The following COL11A1 variants were observed in gnomAD, a reference collection of about 807,000 sequenced individuals.
The protein encoded by COL11A1 is collagen alpha-1(XI) chain.
Under a neutral mutation model 265.2 loss-of-function variants are expected in COL11A1, and 74 were observed. That is an observed-to-expected ratio of 0.28 (90% CI 0.23 to 0.34). COL11A1 has a LOEUF of 0.34. Ranked by LOEUF, COL11A1 falls within the 10% of genes least tolerant of loss-of-function variation. The pLI, the probability that COL11A1 is intolerant of heterozygous loss-of-function variation, is 1.00. For missense variants in COL11A1, 2,165 were observed against 2,263.6 expected (o/e 0.96, Z 0.88); for synonymous variants, 816 against 727.6 (o/e 1.12, Z -1.96).
chr1:103,017,278 A>C (rs1666643234), intron 11 of COL11A1, among the ~76,000 whole-genome samples: 1 of 152,216 alleles, frequency 6.6e-6, no homozygotes, highest in East Asian at 1.9e-4. Flanking sequence ...AATTATATGA[A>C]AAGTATAAGT....
intron 1 of COL11A1, among the ~76,000 whole-genome samples, chr1:103,103,847 G>T (rs1193071814): frequency 6.6e-6 from 1 of 151,926 alleles, no homozygotes; most frequent in Non-Finnish European, 1.5e-5. Context: ...TTAGTTTCAG[G>T]TGTTTTGACA....
chr1:102,933,197 T>A (rs1221590226), intron 46 of COL11A1, among the ~76,000 whole-genome samples: 2 of 144,398 alleles, frequency 1.4e-5, no homozygotes, highest in African/African-American at 5.2e-5. Flanking sequence ...GTTTTTCTGT[T>A]CTGTTTTTTC....
At chr1:102,930,999 C>A (rs979955658) in intron 46 of COL11A1, among the ~76,000 whole-genome samples, 3 of 149,338 alleles carry the variant, frequency 2.0e-5, no homozygotes, top group African/African-American at 7.3e-5. Flanking sequence ...CTTTATTAGT[C>A]TTGCTAGGGG....
At position 102,881,768 on chromosome 1, in the gene COL11A1, G is replaced by A; in HGVS notation, c.4972-3C>T. 1 of 1,611,952 alleles carries A rather than the reference G, an allele frequency of 6.2e-7. No homozygotes were observed. The highest frequency in any genetic ancestry group is 8.5e-7 in the Non-Finnish European group (1 of 1,178,780). On this transcript the variant is annotated splice_polypyrimidine_tract_variant and splice_region_variant and intron_variant, in intron 64 of 66. Coordinates refer to ENST00000370096, the MANE Select transcript of COL11A1 (RefSeq NM_001854.4). The stretch of plus-strand genomic sequence containing the variant: ...TTTGGCCATGATGAAATTCTTACCT[G>A]TTGCAAAGGAACAGAAAAGTTAGTG...
At chr1:103,049,852 C>T (rs1669645869) in intron 4 of COL11A1, among the ~76,000 whole-genome samples, 1 of 152,148 alleles carries the variant, frequency 6.6e-6, no homozygotes, top group Non-Finnish European at 1.5e-5. Flanking sequence ...TTCTCCTTCA[C>T]TTATGAAGCT....
At chr1:102,976,846 C>T (rs912901300) in intron 35 of COL11A1, among the ~76,000 whole-genome samples, 1 of 151,896 alleles carries the variant, frequency 6.6e-6, no homozygotes, top group Non-Finnish European at 1.5e-5. Flanking sequence ...TCTGTTGTTC[C>T]ATTTTTGTTT....
At chr1:103,099,663 A>C (rs1293050516) in intron 1 of COL11A1, among the ~76,000 whole-genome samples, 2 of 151,776 alleles carry the variant, frequency 1.3e-5, no homozygotes, top group Non-Finnish European at 2.9e-5. Context: ...ACTAGTAGAA[A>C]AGTAAAATGA....
At chr1:102,930,940 C>T (rs1308910116) in intron 46 of COL11A1, among the ~76,000 whole-genome samples, 2 of 150,108 alleles carry the variant, frequency 1.3e-5, no homozygotes. Context: ...GTGGTGATAT[C>T]CCCTTTATCA....
intron 7 of COL11A1, among the ~76,000 whole-genome samples, chr1:103,024,989 G>C (rs985524606): frequency 2.0e-5 from 3 of 152,042 alleles, no homozygotes; most frequent in Admixed American, 6.6e-5. Context: ...ATAATGGAAA[G>C]ATTAAGATAT....
intron 63 of COL11A1, 131 bp from the exon 64 acceptor site, chr1:102,883,442 T>C: frequency 1.5e-6 from 1 of 680,006 alleles, no homozygotes; most frequent in Non-Finnish European, 2.6e-6. Context: ...TTTTAAGCTT[T>C]TGGGCATATT....
chr1:102,967,025 C>A (rs1280046154), intron 37 of COL11A1, among the ~76,000 whole-genome samples: 2 of 151,948 alleles, frequency 1.3e-5, no homozygotes, highest in Non-Finnish European at 2.9e-5. Context: ...CTTCAGTGCC[C>A]ATGCTTAATC....
chr1:103,006,231 C>T, intron 16 of COL11A1, 31 bp downstream of exon 16: 1 of 1,539,186 alleles, frequency 6.5e-7, no homozygotes, highest in Non-Finnish European at 8.9e-7. Flanking sequence ...TGGCAGATGC[C>T]TTCAAAATGC....
Position 102,934,531 on chromosome 1 carries a change from C to G in COL11A1, c.3518G>C (p.Arg1173Thr). Residue 1173 changes from arginine (R) to threonine (T), a missense_variant, in exon 46 of 67, where the codon AGA (arginine) becomes ACA (threonine). Transcript: ENST00000370096. ...TTGCCCAAACATCCCCTGCTGTCCT[C>G]TAGGACCTGGTTCACCATCACCTCC... The part of the protein sequence containing the change: ...IAGGDGEPGP[R>T]GQQGMFGQKG... 1 of 1,614,062 alleles carries G rather than the reference C, an allele frequency of 6.2e-7. No individual in the cohort carries two copies.
At chr1:102,923,822 G>T (rs1656264162) in intron 46 of COL11A1, among the ~76,000 whole-genome samples, 1 of 151,810 alleles carries the variant, frequency 6.6e-6, no homozygotes, top group African/African-American at 2.4e-5. Flanking sequence ...CATTTCAAAG[G>T]TTATAAATAT....
At chr1:102,905,076 A>G (rs1258998614) in intron 54 of COL11A1, among the ~76,000 whole-genome samples, 1 of 151,710 alleles carries the variant, frequency 6.6e-6, no homozygotes, top group Non-Finnish European at 1.5e-5. Flanking sequence ...CTTTGTAGGG[A>G]CATGGATGAA....
intron 37 of COL11A1, among the ~76,000 whole-genome samples, chr1:102,967,366 G>A (rs537867092): frequency 6.2e-5 from 9 of 145,106 alleles, no homozygotes; most frequent in Admixed American, 3.6e-4. Context: ...TCAGCCTCCA[G>A]AGTAGCTGGG....
chr1:102,920,549 T>A lies in COL11A1; in HGVS notation c.3709-185A>T, dbSNP rs139859376. Reference sequence around the variant, plus strand: ...GTGTTGGAAAGCAAATAATTCAATATATTACACTGATTTTCAAATTCACTA... The same window carrying A: ...GTGTTGGAAAGCAAATAATTCAATAAATTACACTGATTTTCAAATTCACTA... On this transcript the variant is annotated intron_variant, in intron 48 of 66. Coordinates refer to ENST00000370096, the MANE Select transcript of COL11A1 (RefSeq NM_001854.4). 1.5e-3 allele frequency among the ~76,000 whole-genome samples: 232 copies of A among 152,294 alleles called. 1 individual carries two copies. Among genetic ancestry groups the A allele is most frequent in the Admixed American group, 7.5e-3 (115 of 15,290 alleles).
chr1:103,099,231 G>A (rs905860918), intron 1 of COL11A1, among the ~76,000 whole-genome samples: 6 of 151,618 alleles, frequency 4.0e-5, no homozygotes, highest in Admixed American at 3.3e-4. Context: ...TAAAAACTAT[G>A]TAACTATATT....
chr1:102,940,286 CT>C, intron 43 of COL11A1, 40 bp downstream of exon 43: 1 of 1,506,828 alleles, frequency 6.6e-7, no homozygotes, highest in Non-Finnish European at 9.2e-7. Context: ...AAAAATTAAG[CT>C]TTTTCACAGG....
Sources: gnomAD v4.1 joint callset for allele counts (sites outside exome capture counted in the v4.1 genomes callset) on GRCh38, gnomAD v4.1.1 for gene constraint, MANE v1.5 for transcripts, NCBI Gene and HGNC (gene_info 2026-07-23, HGNC 2026-07-21) for gene names.